Variants in GALNT13 observed in about 807,000 individuals in gnomAD.
GALNT13 encodes the protein polypeptide N-acetylgalactosaminyltransferase 13.
A neutral mutation model predicts 64.2 loss-of-function variants in GALNT13; 28 were observed. The ratio of observed to expected loss-of-function variants is 0.44; its 90% CI spans 0.32 to 0.60. The LOEUF (loss-of-function observed/expected upper bound fraction) is 0.60, where lower values mean the gene tolerates loss of function less well. Ranked by LOEUF, GALNT13 falls within the 20% of genes least tolerant of loss-of-function variation. GALNT13 has a pLI of 0.05. For synonymous variants in GALNT13, 214 were observed against 224.6 expected (o/e 0.95, Z 0.42); for missense variants, 577 against 669.8 (o/e 0.86, Z 1.53).
rs116246071 is a variant in GALNT13 at position 154,067,499 on chromosome 2, G to C, written c.143-72838G>C. ...AGCAGGAGTAGCTATACTTACATCA[G>C]ACAAAGGAGATTTCAAGACAAAACT... is the stretch of plus-strand genomic sequence containing the variant. On this transcript the variant is annotated intron_variant, in intron 3 of 12. Coordinates refer to ENST00000392825, the MANE Select transcript of GALNT13 (RefSeq NM_052917.4). Among the ~76,000 whole-genome samples the C allele has an allele frequency of 2.4e-3, 362 of 151,640 alleles. 4 individuals carry two copies. The highest frequency in any genetic ancestry group is 7.9e-3 in the African/African-American group (328 of 41,512).
At chr2:154,115,429 AT>A (rs913810072) in intron 3 of GALNT13, among the ~76,000 whole-genome samples, 2 of 150,338 alleles carry the variant, frequency 1.3e-5, no homozygotes, top group African/African-American at 2.4e-5. Context: ...TTATCTATTT[AT>A]TTTTTTTTGA....
At chr2:153,522,162 GTC>G in the GALNT13 span, among the ~76,000 whole-genome samples, 2 of 151,986 alleles carry the variant, frequency 1.3e-5, no homozygotes, top group Non-Finnish European at 2.9e-5. Flanking sequence ...GTGAAAGCCT[GTC>G]TCTACTAAAA....
the GALNT13 span, among the ~76,000 whole-genome samples, chr2:153,335,418 A>C: frequency 1.3e-5 from 2 of 152,220 alleles, no homozygotes; most frequent in Non-Finnish European, 2.9e-5. Flanking sequence ...TATGGACAAT[A>C]AAATCCAAGC....
chr2:153,105,554 G>A, the GALNT13 span, among the ~76,000 whole-genome samples: 37 of 152,032 alleles, frequency 2.4e-4, no homozygotes, highest in Non-Finnish European at 3.4e-4. Flanking sequence ...AATAAAGGGC[G>A]TTCAATTAGG....
intron 8 of GALNT13, among the ~76,000 whole-genome samples, chr2:154,299,547 C>T (rs376178206): frequency 2.0e-5 from 3 of 151,420 alleles, no homozygotes; most frequent in East Asian, 1.9e-4. Flanking sequence ...CTCCGCCTCC[C>T]GGGTTCACGC....
chr2:153,449,380 C>A, the GALNT13 span, among the ~76,000 whole-genome samples: 1 of 152,110 alleles, frequency 6.6e-6, no homozygotes. Flanking sequence ...GCTTCTCTTT[C>A]ATAACTCCAG....
At chr2:153,199,687 C>T in the GALNT13 span, among the ~76,000 whole-genome samples, 8 of 152,124 alleles carry the variant, frequency 5.3e-5, no homozygotes, top group Middle Eastern at 3.4e-3. Context: ...ATATAAGATA[C>T]GATTGGAAGA....
chr2:154,075,980 C>T (rs1187019601), intron 3 of GALNT13, among the ~76,000 whole-genome samples: 1 of 151,372 alleles, frequency 6.6e-6, no homozygotes, highest in Admixed American at 6.6e-5. Flanking sequence ...AAATAATGTA[C>T]CGGTCAGATT....
the GALNT13 span, among the ~76,000 whole-genome samples, chr2:153,833,201 C>T: frequency 6.6e-6 from 1 of 152,224 alleles, no homozygotes; most frequent in African/African-American, 2.4e-5. Context: ...TATTGCAGTG[C>T]TTGAATTCAT....
At chr2:153,669,942 C>T in the GALNT13 span, among the ~76,000 whole-genome samples, 25 of 136,866 alleles carry the variant, frequency 1.8e-4, no homozygotes, top group African/African-American at 6.8e-4. Context: ...TGACATCAAC[C>T]TGGGACACTG....
intron 3 of GALNT13, among the ~76,000 whole-genome samples, chr2:154,025,471 A>C (rs1251602780): frequency 6.6e-6 from 1 of 152,106 alleles, no homozygotes; most frequent in African/African-American, 2.4e-5. Flanking sequence ...TTCATTCTTT[A>C]TGGACGCTAA....
chr2:153,836,805 A>G, the GALNT13 span, among the ~76,000 whole-genome samples: 14 of 151,664 alleles, frequency 9.2e-5, no homozygotes, highest in African/African-American at 2.2e-4. Flanking sequence ...ATGATTTCCA[A>G]CTTCATCCAT....
At chr2:153,781,247 G>A in the GALNT13 span, among the ~76,000 whole-genome samples, 17 of 152,264 alleles carry the variant, frequency 1.1e-4, no homozygotes, top group Middle Eastern at 6.8e-3. Flanking sequence ...CAGCATATTG[G>A]ATTGAGAACA....
intron 10 of GALNT13, among the ~76,000 whole-genome samples, chr2:154,400,901 C>A (rs556135919): frequency 4.6e-5 from 7 of 151,396 alleles, no homozygotes; most frequent in Admixed American, 3.3e-4. Flanking sequence ...AATGTCTCAG[C>A]CCAAATTTTT....
chr2:153,353,039 A>G, the GALNT13 span, among the ~76,000 whole-genome samples: 1 of 152,132 alleles, frequency 6.6e-6, no homozygotes, highest in Admixed American at 6.5e-5. Context: ...AGATCAACTT[A>G]GGAAGAACTG....
chr2:153,249,409 C>T, the GALNT13 span, among the ~76,000 whole-genome samples: 14 of 152,290 alleles, frequency 9.2e-5, no homozygotes, highest in South Asian at 2.5e-3. Flanking sequence ...ATTTCATGCT[C>T]ATTGATAGAA....
At chr2:154,353,992 T>A (rs1419091593) in intron 9 of GALNT13, among the ~76,000 whole-genome samples, 1 of 152,182 alleles carries the variant, frequency 6.6e-6, no homozygotes, top group Admixed American at 6.6e-5. Context: ...TCATACTGAC[T>A]TCCATAATAG....
At chr2:153,996,034 T>A (rs1695500234) in intron 3 of GALNT13, among the ~76,000 whole-genome samples, 2 of 152,178 alleles carry the variant, frequency 1.3e-5, no homozygotes, top group African/African-American at 4.8e-5. Context: ...CCGAATAGCA[T>A]TCCAGTGTGT....
At chr2:154,316,769 T>C (rs1454603027) in intron 9 of GALNT13, among the ~76,000 whole-genome samples, 1 of 152,156 alleles carries the variant, frequency 6.6e-6, no homozygotes, top group East Asian at 1.9e-4. Context: ...CTTTATCTAA[T>C]CATAGTTACC....
Sources: gnomAD v4.1 joint callset for allele counts (sites outside exome capture counted in the v4.1 genomes callset) on GRCh38, gnomAD v4.1.1 for gene constraint, MANE v1.5 for transcripts, NCBI Gene and HGNC (gene_info 2026-07-23, HGNC 2026-07-21) for gene names.